CHD9NB: variants seen among roughly 807,000 people sequenced by gnomAD.
CHD9NB encodes CHD9 neighbor protein.
the CHD9NB span, among the ~76,000 whole-genome samples, chr16:53,040,177 C>T: frequency 6.6e-6 from 1 of 152,144 alleles, no homozygotes; most frequent in African/African-American, 2.4e-5. Context: ...TCAAGCGATT[C>T]TCGTGCGTCA....
At chr16:53,044,212 T>A in the CHD9NB span, 4 of 398,526 alleles carry the variant, frequency 1.0e-5, no homozygotes, top group Non-Finnish European at 1.8e-5. Flanking sequence ...AGGAGGAAGG[T>A]CTGTGCCTTC....
At chr16:53,037,854 G>C in the CHD9NB span, among the ~76,000 whole-genome samples, 9 of 152,218 alleles carry the variant, frequency 5.9e-5, no homozygotes, top group Non-Finnish European at 1.2e-4. Flanking sequence ...GGAAGAACTA[G>C]TTAACCCCCT....
the CHD9NB span, among the ~76,000 whole-genome samples, chr16:53,051,776 T>TATATATATATAG: frequency 1.4e-4 from 4 of 28,820 alleles, no homozygotes; most frequent in African/African-American, 2.6e-4. Context: ...TAAATATATA[T>TATATATATATAG]ATATATATAT....
chr16:53,040,563 T>C, the CHD9NB span, among the ~76,000 whole-genome samples: 10 of 152,282 alleles, frequency 6.6e-5, no homozygotes, highest in Admixed American at 6.5e-4. Context: ...TTGGGTCTCA[T>C]CGAGACTGGA....
At chr16:53,051,087 C>T in the CHD9NB span, among the ~76,000 whole-genome samples, 2 of 152,064 alleles carry the variant, frequency 1.3e-5, no homozygotes, top group African/African-American at 4.8e-5. Context: ...CAGGGTTTCA[C>T]CGTGTTAGCC....
chr16:53,043,133 C>T, the CHD9NB span: 4 of 152,266 alleles, frequency 2.6e-5, no homozygotes, highest in East Asian at 1.9e-4. Flanking sequence ...CAAATGAAAA[C>T]GCTTTTGAGT....
the CHD9NB span, among the ~76,000 whole-genome samples, chr16:53,049,041 T>C: frequency 6.6e-6 from 1 of 152,200 alleles, no homozygotes; most frequent in Non-Finnish European, 1.5e-5. Context: ...TATTTTTTAA[T>C]AGAGATGGGG....
At chr16:53,050,231 G>A in the CHD9NB span, among the ~76,000 whole-genome samples, 1 of 152,090 alleles carries the variant, frequency 6.6e-6, no homozygotes, top group African/African-American at 2.4e-5. Context: ...CCTGGGCTGT[G>A]CATGGTGGCT....
At chr16:53,038,577 C>T in the CHD9NB span, among the ~76,000 whole-genome samples, 2 of 152,212 alleles carry the variant, frequency 1.3e-5, no homozygotes. Context: ...TCTCGAACTC[C>T]AGACCTCAAG....
At chr16:53,042,448 TCTCTCCTCCCTC>T in the CHD9NB span, among the ~76,000 whole-genome samples, 1 of 146,806 alleles carries the variant, frequency 6.8e-6, no homozygotes, top group Non-Finnish European at 1.5e-5. Context: ...CTTCTTGCCC[TCTCTCCTCCCTC>T]CTCTTCTCCC....
At chr16:53,042,061 C>G in the CHD9NB span, among the ~76,000 whole-genome samples, 1 of 152,148 alleles carries the variant, frequency 6.6e-6, no homozygotes, top group Non-Finnish European at 1.5e-5. Flanking sequence ...TTTTTCCTCA[C>G]CGCAGTTGCC....
the CHD9NB span, among the ~76,000 whole-genome samples, chr16:53,038,334 A>T: frequency 6.6e-6 from 1 of 152,152 alleles, no homozygotes; most frequent in Non-Finnish European, 1.5e-5. Flanking sequence ...AGTTAAACTG[A>T]CACATAATTT....
the CHD9NB span, among the ~76,000 whole-genome samples, chr16:53,051,054 AT>A: frequency 3.3e-5 from 5 of 151,844 alleles, no homozygotes; most frequent in Non-Finnish European, 7.4e-5. Context: ...TGCCCAGCTA[AT>A]TTTTTGTATT....
At chr16:53,036,419 TC>T in the CHD9NB span, among the ~76,000 whole-genome samples, 3 of 152,208 alleles carry the variant, frequency 2.0e-5, no homozygotes, top group African/African-American at 7.2e-5. Flanking sequence ...GCTTATCTAC[TC>T]CACCTGCCCT....
the CHD9NB span, chr16:53,043,753 C>T: frequency 6.0e-6 from 2 of 331,034 alleles, no homozygotes; most frequent in Non-Finnish European, 1.1e-5. Flanking sequence ...AGTTCCACAA[C>T]GTGTGAAGAC....
the CHD9NB span, among the ~76,000 whole-genome samples, chr16:53,039,796 C>G: frequency 3.9e-5 from 6 of 151,960 alleles, no homozygotes; most frequent in Non-Finnish European, 8.8e-5. Flanking sequence ...GGTTTCTACA[C>G]CCGCCCTTGA....
At chr16:53,039,876 T>A in the CHD9NB span, among the ~76,000 whole-genome samples, 80,085 of 151,826 alleles carry the variant, frequency 0.53, 21,405 homozygotes, top group East Asian at 0.65. Context: ...CCCCACCCAA[T>A]CATGTAAACT....
chr16:53,042,351 GCT>G, the CHD9NB span, among the ~76,000 whole-genome samples: 6 of 120,788 alleles, frequency 5.0e-5, no homozygotes, highest in Admixed American at 9.5e-5. Context: ...GCCTCTCCCC[GCT>G]CTTTCATCTC....
the CHD9NB span, among the ~76,000 whole-genome samples, chr16:53,037,214 G>T: frequency 6.6e-6 from 1 of 152,184 alleles, no homozygotes; most frequent in Non-Finnish European, 1.5e-5. Context: ...GATTACAGGC[G>T]TGAGCCACTG....
Sources: allele counts gnomAD v4.1 joint callset (sites outside exome capture counted in the v4.1 genomes callset), GRCh38; gene constraint gnomAD v4.1.1; transcripts MANE v1.5; gene names NCBI Gene and HGNC (gene_info 2026-07-23, HGNC 2026-07-21).